The following PTPRA variants were observed in gnomAD, a reference collection of about 807,000 sequenced individuals.
The protein encoded by PTPRA is receptor-type tyrosine-protein phosphatase alpha.
PTPRA carries 25 observed loss-of-function variants against 104.8 expected under a neutral mutation model. That is an observed-to-expected ratio of 0.24 (90% CI 0.17 to 0.33). The LOEUF is 0.33. Ranked by LOEUF, PTPRA falls within the 10% of genes least tolerant of loss-of-function variation. PTPRA has a pLI of 1.00. For missense variants in PTPRA, 765 were observed against 1,015.3 expected (o/e 0.75, Z 3.35); for synonymous variants, 323 against 368.9 (o/e 0.88, Z 1.43).
At chr20:3,024,236 G>A (rs1320087081) in intron 16 of PTPRA, among the ~76,000 whole-genome samples, 1 of 152,070 alleles carries the variant, frequency 6.6e-6, no homozygotes, top group Admixed American at 6.6e-5. Flanking sequence ...CTTCTCTCCA[G>A]GCGTCCACCA....
rs369835233 is a variant in PTPRA, at chr20:2,948,748, A to G, written c.-7+724A>G. Among the ~76,000 whole-genome samples the G allele has an allele frequency of 2.1e-3, 319 of 151,870 alleles. 1 individual carries two copies. Among genetic ancestry groups the G allele is most frequent in the South Asian group, 2.7e-3 (13 of 4,816 alleles). On this transcript the variant is annotated intron_variant, in intron 3 of 23. Coordinates refer to ENST00000399903, the MANE Select transcript of PTPRA (RefSeq NM_001385305.1). ...GGGCGGATCACAAGGTCAGGAGATC[A>G]AGACCATCCTGGCTAACACAGTGAA...
At chr20:2,890,949 GC>G (rs1490571794) in intron 1 of PTPRA, among the ~76,000 whole-genome samples, 1 of 152,158 alleles carries the variant, frequency 6.6e-6, no homozygotes, top group Non-Finnish European at 1.5e-5. Flanking sequence ...CTGGATTACA[GC>G]CAACAGCCTA....
At chr20:2,979,065 A>T (rs1219884370) in intron 6 of PTPRA, among the ~76,000 whole-genome samples, 1 of 152,170 alleles carries the variant, frequency 6.6e-6, no homozygotes, top group Non-Finnish European at 1.5e-5. Flanking sequence ...CTTCCATTTC[A>T]TACATTGTTC....
chr20:2,938,799 G>A (rs2060800782), intron 2 of PTPRA, among the ~76,000 whole-genome samples: 2 of 152,116 alleles, frequency 1.3e-5, no homozygotes, highest in Non-Finnish European at 2.9e-5. Context: ...TATGCTGAGT[G>A]TTTATAATGT....
intron 2 of PTPRA, among the ~76,000 whole-genome samples, chr20:2,937,897 T>C (rs1041205798): frequency 6.6e-6 from 1 of 152,242 alleles, no homozygotes; most frequent in African/African-American, 2.4e-5. Flanking sequence ...CCTTGTGGTT[T>C]CCATGGTTCC....
At chr20:2,917,917 C>T (rs1316843365) in intron 1 of PTPRA, among the ~76,000 whole-genome samples, 1 of 151,554 alleles carries the variant, frequency 6.6e-6, no homozygotes, top group Non-Finnish European at 1.5e-5. Context: ...TGTGAAACCC[C>T]GTTTCTACTA....
At chr20:3,006,144 C>A (rs2063859707) in intron 10 of PTPRA, among the ~76,000 whole-genome samples, 1 of 152,136 alleles carries the variant, frequency 6.6e-6, no homozygotes, top group Non-Finnish European at 1.5e-5. Flanking sequence ...AAGCATGAGC[C>A]AGTGAGCCCA....
chr20:2,992,843 C>T (rs768323303), intron 9 of PTPRA, among the ~76,000 whole-genome samples: 5 of 152,138 alleles, frequency 3.3e-5, no homozygotes, highest in African/African-American at 4.8e-5. Context: ...CTTTAATCCT[C>T]GCACTTTGGG....
At chr20:2,884,845 T>TGGAGTGCA (rs2090288032) in intron 1 of PTPRA, among the ~76,000 whole-genome samples, 1 of 151,454 alleles carries the variant, frequency 6.6e-6, no homozygotes, top group Non-Finnish European at 1.5e-5. Flanking sequence ...AGTCTCGCTC[T>TGGAGTGCA]GTCGCCCAGG....
At chr20:3,036,975 G>A (rs905569189) in intron 22 of PTPRA, among the ~76,000 whole-genome samples, 179 bp from the exon 23 acceptor site, 3 of 152,164 alleles carry the variant, frequency 2.0e-5, no homozygotes, top group African/African-American at 7.2e-5. Flanking sequence ...ATGGGGCCAT[G>A]CAGGAAGGGC....
intron 1 of PTPRA, among the ~76,000 whole-genome samples, chr20:2,904,051 C>T (rs780377621): frequency 1.2e-4 from 18 of 152,126 alleles, no homozygotes; most frequent in Non-Finnish European, 1.9e-4. Context: ...GGACCACAGA[C>T]GCGTGCCACC....
At chr20:2,964,192 C>T in intron 3 of PTPRA, 80 bp from the exon 4 acceptor site, 1 of 1,195,520 alleles carries the variant, frequency 8.4e-7, no homozygotes, top group Non-Finnish European at 1.2e-6. Context: ...CTTGGAAATC[C>T]AGAATACTCT....
Position 3,015,303 on chromosome 20 carries a change from CT to C in PTPRA, c.907-530del, listed in dbSNP as rs778457233. Among the ~76,000 whole-genome samples, 927 of 134,596 alleles carry C rather than the reference CT, an allele frequency of 6.9e-3. 5 individuals carry two copies. Among genetic ancestry groups the C allele is most frequent in the African/African-American group, 0.02 (720 of 35,982 alleles). The allele number at this position is 134,596 out of a possible 152,430, so 88.3% of individuals were successfully genotyped here. On this transcript the variant is annotated intron_variant, in intron 11 of 23. Coordinates refer to ENST00000399903, the MANE Select transcript of PTPRA (RefSeq NM_001385305.1). ...ATTTCTTTTTTCTTTCTTTCTTTTT[CT>C]TTTTTTTTTTTTTTTGGAGATGGAG...
chr20:2,934,547 C>G (rs1378230495), intron 2 of PTPRA, among the ~76,000 whole-genome samples: 4 of 151,938 alleles, frequency 2.6e-5, no homozygotes, highest in Non-Finnish European at 5.9e-5. Flanking sequence ...CTAGACTACA[C>G]TCACCTATTT....
intron 6 of PTPRA, among the ~76,000 whole-genome samples, chr20:2,981,858 T>C (rs1308566478): frequency 6.6e-6 from 1 of 152,220 alleles, no homozygotes; most frequent in Non-Finnish European, 1.5e-5. Flanking sequence ...GGAGGCTCTT[T>C]GGCTCTGTTT....
At position 2,986,916 on chromosome 20, in the gene PTPRA, A is replaced by G. The variant is rs2062933078; in HGVS notation, c.527+67A>G. 5 of 1,378,032 alleles carry G rather than the reference A, an allele frequency of 3.6e-6. No homozygotes were observed. In the South Asian group the frequency reaches 5.8e-5, roughly 16 times the overall value. The allele number at this position is 1,378,032 out of a possible 1,614,324, so 85.4% of individuals were successfully genotyped here. A position where few individuals can be genotyped will look rare whatever the true frequency, so the allele number is the denominator to read the frequency against. ...AATATCCCAGTGTCCCAATGAACCCACACAGTCCAGTAGACAGTAGGATAT... is the reference window on the plus strand; with the variant it reads ...AATATCCCAGTGTCCCAATGAACCCGCACAGTCCAGTAGACAGTAGGATAT... On this transcript the variant is annotated intron_variant, in intron 7 of 23. Coordinates refer to ENST00000399903, the MANE Select transcript of PTPRA (RefSeq NM_001385305.1).
chr20:2,987,912 A>G (rs368421396), intron 7 of PTPRA, 120 bp from the exon 8 acceptor site: 23 of 989,154 alleles, frequency 2.3e-5, no homozygotes, highest in Non-Finnish European at 3.7e-5. Context: ...GTCTCTAAAA[A>G]AGCCCGATTA....
At chr20:2,875,137 C>A (rs1360372814) in intron 1 of PTPRA, among the ~76,000 whole-genome samples, 1 of 152,090 alleles carries the variant, frequency 6.6e-6, no homozygotes, top group African/African-American at 2.4e-5. Context: ...CTGTTTATTT[C>A]CCGGTATCCA....
chr20:2,895,485 A>G (rs2058962971), intron 1 of PTPRA, among the ~76,000 whole-genome samples: 1 of 152,102 alleles, frequency 6.6e-6, no homozygotes, highest in Non-Finnish European at 1.5e-5. Context: ...TAAGATTGTC[A>G]TGACAACTGT....
Sources: gnomAD v4.1 joint callset for allele counts (sites outside exome capture counted in the v4.1 genomes callset) on GRCh38, gnomAD v4.1.1 for gene constraint, MANE v1.5 for transcripts, NCBI Gene and HGNC (gene_info 2026-07-23, HGNC 2026-07-21) for gene names.